The following CCDC178 variants were observed in gnomAD, a reference collection of about 807,000 sequenced individuals.
The protein encoded by CCDC178 is coiled-coil domain containing 178.
In CCDC178, 126 loss-of-function variants were observed where a neutral mutation model predicts 117.4. The observed-to-expected ratio is 1.07, with a 90% confidence interval of 0.93 to 1.24. The LOEUF (loss-of-function observed/expected upper bound fraction) is 1.24. Ranked by LOEUF, CCDC178 falls within the 50% of genes most tolerant of loss-of-function variation. The pLI is 0.00. For missense variants in CCDC178, 1,030 were observed against 986.9 expected, an observed-to-expected ratio of 1.04 and a Z score of -0.59; for synonymous variants, 283 against 313.4, an observed-to-expected ratio of 0.90 and a Z score of 1.02.
Position 32,987,472 on chromosome 18 carries a change from G to A in CCDC178, c.2389-12791C>T, listed in dbSNP as rs549968799. On this transcript the variant is annotated intron_variant, in intron 21 of 22. Coordinates refer to ENST00000383096, the MANE Select transcript of CCDC178 (RefSeq NM_001105528.4). ...TGGCAAATCAAAAATTAAAATAATG[G>A]TGATGATTGACAGGCTTAATAAACT... Among the ~76,000 whole-genome samples, 3 of 151,974 alleles carry A rather than the reference G, an allele frequency of 2.0e-5. No homozygotes were observed. In the East Asian group the frequency reaches 5.8e-4, roughly 29 times the overall value.
chr18:33,387,626 A>C (rs1335703237), intron 5 of CCDC178, among the ~76,000 whole-genome samples: 3 of 152,214 alleles, frequency 2.0e-5, no homozygotes, highest in Non-Finnish European at 4.4e-5. Flanking sequence ...TTACCTATTT[A>C]ATAAATGATG....
intron 21 of CCDC178, among the ~76,000 whole-genome samples, chr18:32,988,711 C>T (rs1167381287): frequency 1.3e-5 from 2 of 151,362 alleles, no homozygotes; most frequent in East Asian, 3.9e-4. Context: ...TTAGGAAAGA[C>T]CAATAAACTA....
intron 21 of CCDC178, among the ~76,000 whole-genome samples, chr18:33,012,769 C>T (rs1483735045): frequency 6.6e-6 from 1 of 152,090 alleles, no homozygotes; most frequent in East Asian, 1.9e-4. Flanking sequence ...CCATATGATA[C>T]AATTTCCCCA....
At chr18:33,314,828 A>C (rs1343602403) in intron 11 of CCDC178, among the ~76,000 whole-genome samples, 1 of 152,180 alleles carries the variant, frequency 6.6e-6, no homozygotes, top group Non-Finnish European at 1.5e-5. Context: ...TAGGTTCACC[A>C]CACCTGAGTA....
chr18:32,961,139 A>G (rs1243673536), intron 22 of CCDC178, among the ~76,000 whole-genome samples: 1 of 152,084 alleles, frequency 6.6e-6, no homozygotes, highest in Non-Finnish European at 1.5e-5. Context: ...CAACTCTTCC[A>G]TATTCTTACT....
chr18:33,239,298 C>T (rs1290598631), intron 15 of CCDC178, among the ~76,000 whole-genome samples: 1 of 151,776 alleles, frequency 6.6e-6, no homozygotes, highest in Non-Finnish European at 1.5e-5. Context: ...AAACATAGGA[C>T]ATACAAAACA....
intron 22 of CCDC178, among the ~76,000 whole-genome samples, chr18:32,957,554 C>A (rs1163995272): frequency 3.9e-5 from 6 of 152,052 alleles, no homozygotes; most frequent in South Asian, 2.1e-4. Context: ...TATTAGGGAG[C>A]CTTACCTTCA....
intron 15 of CCDC178, among the ~76,000 whole-genome samples, chr18:33,237,561 G>C (rs941465487): frequency 6.7e-6 from 1 of 149,482 alleles, no homozygotes. Flanking sequence ...CCCTCCCCCT[G>C]GCTGAAATGC....
chr18:32,968,055 G>A (rs950695908), intron 22 of CCDC178, among the ~76,000 whole-genome samples: 2 of 151,576 alleles, frequency 1.3e-5, no homozygotes, highest in Admixed American at 6.6e-5. Context: ...ATTGTTAACT[G>A]TAGTTACCCT....
chr18:33,201,979 G>A (rs1301737988), intron 20 of CCDC178, among the ~76,000 whole-genome samples: 1 of 152,048 alleles, frequency 6.6e-6, no homozygotes, highest in Non-Finnish European at 1.5e-5. Flanking sequence ...AGGTTTTTAT[G>A]TGTTCCCCTG....
intron 21 of CCDC178, among the ~76,000 whole-genome samples, chr18:32,986,936 T>C: frequency 6.6e-6 from 1 of 151,858 alleles, no homozygotes. Flanking sequence ...TTAAATTAAA[T>C]ATGCATGGTC....
At chr18:33,249,272 T>C (rs1046199381) in intron 14 of CCDC178, among the ~76,000 whole-genome samples, 1 of 152,176 alleles carries the variant, frequency 6.6e-6, no homozygotes, top group Non-Finnish European at 1.5e-5. Context: ...TTCAGTTTAA[T>C]TAGATCCCAG....
chr18:33,383,840 A>G (rs970125390), intron 5 of CCDC178, among the ~76,000 whole-genome samples: 114 of 152,148 alleles, frequency 7.5e-4, no homozygotes, highest in African/African-American at 2.8e-3. Context: ...CAGCAAGGGC[A>G]CAGAATGGGG....
intron 14 of CCDC178, among the ~76,000 whole-genome samples, chr18:33,255,642 G>C (rs28485227): frequency 3.6e-4 from 55 of 152,062 alleles, no homozygotes; most frequent in African/African-American, 1.3e-3. Context: ...AGGGGAGAGA[G>C]TAGATACTCC....
chr18:33,330,272 T>A (rs1417276430), intron 10 of CCDC178, among the ~76,000 whole-genome samples: 1 of 152,186 alleles, frequency 6.6e-6, no homozygotes, highest in East Asian at 1.9e-4. Flanking sequence ...AGTTTTCATA[T>A]TTTGGCTGCA....
intron 21 of CCDC178, among the ~76,000 whole-genome samples, chr18:32,976,923 A>G (rs1351259794): frequency 6.6e-6 from 1 of 152,176 alleles, no homozygotes; most frequent in East Asian, 1.9e-4. Flanking sequence ...TCCTGAATGA[A>G]GAGGCCATAA....
At chr18:33,420,407 G>A (rs1385024352) in intron 2 of CCDC178, among the ~76,000 whole-genome samples, 1 of 152,128 alleles carries the variant, frequency 6.6e-6, no homozygotes, top group Non-Finnish European at 1.5e-5. Flanking sequence ...AGGCTGGAGT[G>A]CAGTGGCATG....
intron 8 of CCDC178, among the ~76,000 whole-genome samples, chr18:33,348,117 C>T (rs1034545656): frequency 2.0e-5 from 3 of 151,832 alleles, no homozygotes; most frequent in African/African-American, 4.8e-5. Flanking sequence ...TTAAGGTCCT[C>T]GTTTTCACTA....
chr18:33,290,685 C>A (rs535697895), intron 12 of CCDC178, among the ~76,000 whole-genome samples: 9 of 152,176 alleles, frequency 5.9e-5, no homozygotes, highest in Non-Finnish European at 1.3e-4. Flanking sequence ...AGAGGATTCA[C>A]TATAATAGAT....
Sources: allele counts gnomAD v4.1 joint callset (sites outside exome capture counted in the v4.1 genomes callset), GRCh38; gene constraint gnomAD v4.1.1; transcripts MANE v1.5; gene names NCBI Gene and HGNC (gene_info 2026-07-23, HGNC 2026-07-21).